The following RBM20 variants were observed in gnomAD, a reference collection of about 807,000 sequenced individuals.
The protein encoded by RBM20 is RNA binding motif protein 20.
In RBM20, 51 loss-of-function variants were observed where a neutral mutation model predicts 110.1. The observed-to-expected ratio is 0.46, with a 90% confidence interval of 0.37 to 0.59. RBM20 has a LOEUF of 0.59. Ranked by LOEUF, RBM20 falls within the 20% of genes least tolerant of loss-of-function variation. RBM20 has a pLI of 0.00. For synonymous variants in RBM20, 589 were observed against 618.2 expected (o/e 0.95, Z 0.70); for missense variants, 1,512 against 1,574.9 (o/e 0.96, Z 0.68).
At chr10:110,755,792 G>C in intron 1 of RBM20, among the ~76,000 whole-genome samples, 1 of 152,276 alleles carries the variant, frequency 6.6e-6, no homozygotes. Flanking sequence ...GTTTCCTCAA[G>C]GGGTAACTTT....
At chr10:110,654,875 G>A (rs986026866) in intron 1 of RBM20, among the ~76,000 whole-genome samples, 2 of 152,136 alleles carry the variant, frequency 1.3e-5, no homozygotes, top group African/African-American at 2.4e-5. Context: ...CAACTAACTC[G>A]TACAGAGTGC....
At chr10:110,756,188 C>A (rs1434331224) in intron 1 of RBM20, among the ~76,000 whole-genome samples, 1 of 152,194 alleles carries the variant, frequency 6.6e-6, no homozygotes, top group East Asian at 1.9e-4. Flanking sequence ...AACTTTAAAC[C>A]TTGAGTGTTA....
At chr10:110,743,379 G>A (rs1038882783) in intron 1 of RBM20, among the ~76,000 whole-genome samples, 4 of 152,126 alleles carry the variant, frequency 2.6e-5, no homozygotes, top group African/African-American at 9.7e-5. Context: ...TTTTTTCACA[G>A]TTCATCAAAT....
chr10:110,733,981 G>A (rs1156551634), intron 1 of RBM20, among the ~76,000 whole-genome samples: 2 of 152,054 alleles, frequency 1.3e-5, no homozygotes, highest in Non-Finnish European at 2.9e-5. Flanking sequence ...ACCTGCGAAT[G>A]TCTGTTAGCC....
chr10:110,699,521 C>G (rs2134890822), intron 1 of RBM20, among the ~76,000 whole-genome samples: 1 of 152,008 alleles, frequency 6.6e-6, no homozygotes, highest in East Asian at 1.9e-4. Flanking sequence ...ATCTGCCTAC[C>G]TCAGCCACAA....
chr10:110,653,955 G>A (rs1374176630), intron 1 of RBM20, among the ~76,000 whole-genome samples: 1 of 152,200 alleles, frequency 6.6e-6, no homozygotes, highest in Non-Finnish European at 1.5e-5. Flanking sequence ...TGATATGGCT[G>A]TGACTGTTGT....
intron 1 of RBM20, among the ~76,000 whole-genome samples, chr10:110,709,732 A>G (rs562703060): frequency 2.0e-5 from 3 of 150,964 alleles, no homozygotes; most frequent in African/African-American, 7.3e-5. Context: ...ATGCCTGGCT[A>G]TTTTGTTTTT....
chr10:110,672,619 G>A lies in RBM20; in HGVS notation c.191+27974G>A, dbSNP rs1043272191. Among the ~76,000 whole-genome samples the A allele has an allele frequency of 3.3e-5, 5 of 152,248 alleles. No individual in the cohort carries two copies. In the East Asian group the frequency reaches 9.6e-4, roughly 29 times the overall value. On this transcript the variant is annotated intron_variant, in intron 1 of 13. Transcript: ENST00000369519. ...TCCAGCGACCCCTGAAGATGCTTCC[G>A]TCCGCGGATAGGGGACGTTTCAGAC...
chr10:110,811,809 A>G (rs1027972189), intron 8 of RBM20, among the ~76,000 whole-genome samples: 1 of 152,182 alleles, frequency 6.6e-6, no homozygotes, highest in Non-Finnish European at 1.5e-5. Context: ...GCCCAAATGT[A>G]GGAGTGGCTT....
At chr10:110,752,368 T>C (rs1843864749) in intron 1 of RBM20, among the ~76,000 whole-genome samples, 1 of 152,250 alleles carries the variant, frequency 6.6e-6, no homozygotes, top group African/African-American at 2.4e-5. Context: ...TTTTCATGAC[T>C]TGATAGTTCA....
At chr10:110,722,894 T>C (rs566519930) in intron 1 of RBM20, among the ~76,000 whole-genome samples, 1 of 152,246 alleles carries the variant, frequency 6.6e-6, no homozygotes, top group South Asian at 2.1e-4. Flanking sequence ...GGCAGATCAC[T>C]TGGGGTCAGG....
chr10:110,710,662 A>C (rs1419426748), intron 1 of RBM20, among the ~76,000 whole-genome samples: 1 of 152,252 alleles, frequency 6.6e-6, no homozygotes, highest in Non-Finnish European at 1.5e-5. Flanking sequence ...CTTTGGGGGC[A>C]AATGATGGGG....
intron 1 of RBM20, among the ~76,000 whole-genome samples, chr10:110,746,935 A>C (rs764036398): frequency 2.0e-5 from 3 of 152,148 alleles, no homozygotes; most frequent in Non-Finnish European, 4.4e-5. Context: ...ATTCTATACC[A>C]CTTCTTTTTC....
Position 110,659,932 on chromosome 10 carries a change from A to G in RBM20, c.191+15287A>G, listed in dbSNP as rs528886397. Among the ~76,000 whole-genome samples the G allele has an allele frequency of 2.8e-5, 4 of 143,670 alleles. No individual in the cohort carries two copies. The East Asian group carries it at 8.1e-4, about 29-fold the overall frequency. 94.3% of individuals were successfully genotyped at this position (143,670 alleles called of 152,430 possible). On this transcript the variant is annotated intron_variant, in intron 1 of 13. Transcript: ENST00000369519. ...AGTGCATACTGATCCTCCCACCTCAACCTCCCAAGGAGCTGGGGCTACAGG... is the reference window on the plus strand; with the variant it reads ...AGTGCATACTGATCCTCCCACCTCAGCCTCCCAAGGAGCTGGGGCTACAGG...
rs991365198 is a variant in RBM20, at chr10:110,717,257, T to G, written c.192-63544T>G. ...TGGTCTGCAGTGACAGCCTTCATAT[T>G]TAATTCACTACACCCTCATTCTTTC... is the stretch of plus-strand genomic sequence containing the variant. On this transcript the variant is annotated intron_variant, in intron 1 of 13. Transcript: ENST00000369519. Among the ~76,000 whole-genome samples the G allele has an allele frequency of 7.2e-5, 11 of 152,320 alleles. No individual in the cohort carries two copies. In the East Asian group the frequency reaches 2.1e-3, roughly 29 times the overall value.
At chr10:110,832,633 A>G (rs981695366) in intron 13 of RBM20, among the ~76,000 whole-genome samples, 10 of 152,224 alleles carry the variant, frequency 6.6e-5, no homozygotes, top group Non-Finnish European at 1.5e-5. Flanking sequence ...AAGTCCACAC[A>G]GATGGTGAGT....
At chr10:110,682,607 G>T (rs987376460) in intron 1 of RBM20, among the ~76,000 whole-genome samples, 3 of 152,202 alleles carry the variant, frequency 2.0e-5, no homozygotes, top group Non-Finnish European at 4.4e-5. Flanking sequence ...ATTTGAGTTT[G>T]CCTGATGTGT....
At chr10:110,770,618 C>T (rs373164581) in intron 1 of RBM20, among the ~76,000 whole-genome samples, 1 of 152,166 alleles carries the variant, frequency 6.6e-6, no homozygotes, top group African/African-American at 2.4e-5. Flanking sequence ...GTTAAAATGT[C>T]TAGGTTAATT....
At chr10:110,789,262 C>G (rs994094706) in intron 5 of RBM20, among the ~76,000 whole-genome samples, 4 of 152,280 alleles carry the variant, frequency 2.6e-5, no homozygotes, top group Middle Eastern at 3.4e-3. Flanking sequence ...CAGATTATAT[C>G]CGAACTGCCA....
Sources: allele counts gnomAD v4.1 joint callset (sites outside exome capture counted in the v4.1 genomes callset), GRCh38; gene constraint gnomAD v4.1.1; transcripts MANE v1.5; gene names NCBI Gene and HGNC (gene_info 2026-07-23, HGNC 2026-07-21).